Variants in MYO7A observed in about 807,000 individuals in gnomAD.
MYO7A encodes unconventional myosin-VIIa.
Under a neutral mutation model 263.8 loss-of-function variants are expected in MYO7A, and 210 were observed. That is an observed-to-expected ratio of 0.80 (90% CI 0.71 to 0.89). MYO7A has a LOEUF of 0.89. MYO7A is among the 40% of genes least tolerant of loss of function. MYO7A has a pLI of 0.00. For synonymous variants in MYO7A, 1,239 were observed against 1,197.3 expected, an observed-to-expected ratio of 1.03 and a Z score of -0.72; for missense variants, 2,820 against 2,968.3, an observed-to-expected ratio of 0.95 and a Z score of 1.16.
chr11:77,190,061 C>T lies in MYO7A; in HGVS notation c.3672C>T (p.Ala1224=). 1 of 1,574,272 alleles carries T rather than the reference C, an allele frequency of 6.4e-7. No individual in the cohort carries two copies. Among genetic ancestry groups the T allele is most frequent in the East Asian group, 2.3e-5 (1 of 42,796 alleles). Residue 1224 remains alanine (A), a synonymous_variant, in exon 29 of 49, where the codon GCC becomes GCT. Coordinates refer to ENST00000409709, the MANE Select transcript of MYO7A (RefSeq NM_000260.4). ...TCCACGGGGGCCCGCCCGGCTACGC[C>T]CCGTACTGTGAGGAGCGCCTGAGAA... is the stretch of plus-strand genomic sequence containing the variant. The part of the protein sequence containing the change: ...NFIHGGPPGY[A]PYCEERLRRT...
At position 77,183,112 on chromosome 11, in the gene MYO7A, GCTGGTGCATTTGACTC is replaced by G; in HGVS notation, c.3331_3346del (p.Leu1111Ter). Reference sequence around the variant, plus strand: ...AGAAGAAGAGCAGTGTGAGGCACAAGCTGGTGCATTTGACTCTGAAAAAGAAGTCCAAGCTCACAGA... The same window carrying G: ...AGAAGAAGAGCAGTGTGAGGCACAAGTGAAAAAGAAGTCCAAGCTCACAGA... On this transcript the variant is annotated frameshift_variant, in exon 26 of 49. Coordinates refer to ENST00000409709, the MANE Select transcript of MYO7A (RefSeq NM_000260.4). LOFTEE classifies it high-confidence loss of function. 1 of 1,552,316 alleles carries G rather than the reference GCTGGTGCATTTGACTC, an allele frequency of 6.4e-7. No homozygotes were observed. The highest frequency in any genetic ancestry group is 1.2e-5 in the South Asian group (1 of 84,088).
At chr11:77,194,172 C>T in intron 31 of MYO7A, 182 bp from the exon 32 acceptor site, 1 of 779,434 alleles carries the variant, frequency 1.3e-6, no homozygotes, top group South Asian at 1.5e-5. Flanking sequence ...TTGGGGAGCT[C>T]ATGGTTCCTC....
At chr11:77,175,747 G>C (rs530814659) in intron 18 of MYO7A, among the ~76,000 whole-genome samples, 42 of 152,380 alleles carry the variant, frequency 2.8e-4, no homozygotes, top group African/African-American at 1.0e-3. Context: ...CAGGGAGGCA[G>C]GGGTGCTGCT....
At chr11:77,202,558 G>A in intron 37 of MYO7A, 134 bp downstream of exon 37, 1 of 1,212,044 alleles carries the variant, frequency 8.3e-7, no homozygotes, top group Non-Finnish European at 1.1e-6. Context: ...GGAGCTGGAG[G>A]GCTGTTTCTG....
intron 4 of MYO7A, 49 bp downstream of exon 4, chr11:77,147,999 C>T (rs1555055007): frequency 6.9e-7 from 1 of 1,455,802 alleles, no homozygotes. Flanking sequence ...CAGGCCCCGC[C>T]CCGCCCACCT....
chr11:77,130,328 T>A (rs1950732469), intron 1 of MYO7A, among the ~76,000 whole-genome samples: 1 of 152,240 alleles, frequency 6.6e-6, no homozygotes, highest in African/African-American at 2.4e-5. Flanking sequence ...CCAGACTTGC[T>A]ACTTTCTAGG....
chr11:77,131,295 C>A (rs564877919), intron 2 of MYO7A, among the ~76,000 whole-genome samples: 1 of 152,340 alleles, frequency 6.6e-6, no homozygotes, highest in Non-Finnish European at 1.5e-5. Context: ...TGGGGCTGTG[C>A]ATTATGGGGG....
chr11:77,202,704 C>T (rs1294184212), intron 37 of MYO7A, among the ~76,000 whole-genome samples: 2 of 150,776 alleles, frequency 1.3e-5, no homozygotes, highest in Non-Finnish European at 1.5e-5. Context: ...AGCTGGGATT[C>T]GGCGTGCCCA....
Position 77,156,134 on chromosome 11 carries a change from T to C in MYO7A, c.470+43T>C, listed in dbSNP as rs61899977. 1.5e-3 allele frequency: 2,426 copies of C among 1,600,178 alleles called. 1 individual carries two copies. The highest frequency in any genetic ancestry group is 1.8e-3 in the Non-Finnish European group (2,130 of 1,172,106). ...TGTGTGGAGCTCCAGGCTTAGGACC[T>C]AGAGCTCCAACTGTGCGCTCCTGCT... is the stretch of plus-strand genomic sequence containing the variant. On this transcript the variant is annotated intron_variant, in intron 5 of 48. Coordinates refer to ENST00000409709, the MANE Select transcript of MYO7A (RefSeq NM_000260.4).
intron 44 of MYO7A, among the ~76,000 whole-genome samples, chr11:77,209,913 C>A (rs1295978367): frequency 6.6e-6 from 1 of 152,118 alleles, no homozygotes; most frequent in Non-Finnish European, 1.5e-5. Context: ...CTCCTGCTGC[C>A]TTGCCTTGTA....
intron 33 of MYO7A, 66 bp from the exon 34 acceptor site, chr11:77,198,429 T>C (rs1409000708): frequency 1.3e-6 from 2 of 1,585,810 alleles, no homozygotes; most frequent in Non-Finnish European, 1.7e-6. Flanking sequence ...CTGGCCGTTA[T>C]GAGATTGAGA....
Position 77,177,596 on chromosome 11 carries a change from C to T in MYO7A, c.2235C>T (p.Thr745=), listed in dbSNP as rs782065768. The change falls in exon 19 of 49, where the codon ACC becomes ACT. Residue 745 remains threonine, a synonymous_variant. Transcript: ENST00000409709. ...AAGTGGAGCGGGACAAAGCCATCAC[C>T]GACAGAGTCATCCTCCTTCAGAAAG... ...LLEVERDKAI[T]DRVILLQKVI... is the part of the protein sequence containing the mutation. The T allele has an allele frequency of 3.9e-5, 63 of 1,612,062 alleles. 1 individual carries two copies. The highest frequency in any genetic ancestry group is 6.7e-5 in the African/African-American group (5 of 74,868).
rs553067061 is a variant in MYO7A at position 77,139,876 on chromosome 11, G to T, written c.19-2833G>T. Among the ~76,000 whole-genome samples, 469 of 152,194 alleles carry T rather than the reference G, an allele frequency of 3.1e-3. 1 individual carries two copies. The highest frequency in any genetic ancestry group is 5.6e-3 in the Non-Finnish European group (380 of 68,010). On this transcript the variant is annotated intron_variant, in intron 2 of 48. Coordinates refer to ENST00000409709, the MANE Select transcript of MYO7A (RefSeq NM_000260.4). ...GATCCTTACAACCTGCCTGCCTTGC[G>T]ATGCTTCAAGAACTTTCCCTAGGGC...
chr11:77,176,166 T>C (rs1294490191), intron 18 of MYO7A, among the ~76,000 whole-genome samples: 3 of 152,184 alleles, frequency 2.0e-5, no homozygotes. Context: ...GCCTGGGCAC[T>C]CCAAGGACAG....
chr11:77,211,068 G>C, intron 44 of MYO7A, 84 bp from the exon 45 acceptor site: 1 of 1,290,054 alleles, frequency 7.8e-7, no homozygotes, highest in Non-Finnish European at 1.1e-6. Context: ...GGTAGACCCC[G>C]GCGTTGGGGG....
At chr11:77,175,601 C>A (rs1954581423) in intron 18 of MYO7A, 137 bp downstream of exon 18, 7 of 828,898 alleles carry the variant, frequency 8.4e-6, no homozygotes, top group Non-Finnish European at 1.2e-5. Context: ...GCTGGAGGAG[C>A]AGGTGGGATC....
chr11:77,183,316 G>A (rs782412231), intron 26 of MYO7A, among the ~76,000 whole-genome samples, 159 bp downstream of exon 26: 8 of 152,318 alleles, frequency 5.3e-5, no homozygotes, highest in Non-Finnish European at 1.2e-4. Context: ...CAACATGAGT[G>A]GGTTGGTGGG....
Position 77,182,478 on chromosome 11 carries a change from C to T in MYO7A, c.3163C>T (p.Pro1055Ser). ...ILRFMGDLPE[P>S]KYHTAMSDGS... ...CCGCTTCATGGGGGACCTCCCTGAG[C>T]CCAAGTACCACACAGCCATGAGTGA... is the stretch of plus-strand genomic sequence containing the variant. Residue 1055 changes from proline to serine, a missense_variant, in exon 25 of 49, where the codon CCC (proline) becomes TCC (serine). Transcript: ENST00000409709. The T allele has an allele frequency of 6.2e-7, 1 of 1,610,844 alleles. No homozygotes were observed. The highest frequency in any genetic ancestry group is 8.5e-7 in the Non-Finnish European group (1 of 1,179,834).
intron 42 of MYO7A, 65 bp from the exon 43 acceptor site, chr11:77,208,365 A>G: frequency 7.9e-7 from 1 of 1,259,018 alleles, no homozygotes; most frequent in Non-Finnish European, 1.1e-6. Flanking sequence ...GACAGGCCTT[A>G]GGTGGGAAGG....
Sources: gnomAD v4.1 joint callset for allele counts (sites outside exome capture counted in the v4.1 genomes callset) on GRCh38, gnomAD v4.1.1 for gene constraint, MANE v1.5 for transcripts, NCBI Gene and HGNC (gene_info 2026-07-23, HGNC 2026-07-21) for gene names.